The following RPS6KA2 variants were observed in gnomAD, a reference collection of about 807,000 sequenced individuals.
The protein encoded by RPS6KA2 is ribosomal protein S6 kinase A2.
In RPS6KA2, 42 loss-of-function variants were observed where a neutral mutation model predicts 91.8. That is an observed-to-expected ratio of 0.46 (90% CI 0.36 to 0.59). The LOEUF (loss-of-function observed/expected upper bound fraction) is 0.59, where lower values mean the gene tolerates loss of function less well. Ranked by LOEUF, RPS6KA2 falls within the 20% of genes least tolerant of loss-of-function variation. The pLI is 0.00. For synonymous variants in RPS6KA2, 414 were observed against 393.6 expected (o/e 1.05, Z -0.61); for missense variants, 798 against 978.5 (o/e 0.82, Z 2.46).
intron 1 of RPS6KA2, among the ~76,000 whole-genome samples, chr6:166,591,375 G>T (rs2128521427): frequency 6.6e-6 from 1 of 152,260 alleles, no homozygotes; most frequent in Non-Finnish European, 1.5e-5. Context: ...TTTGATGTGT[G>T]CCCCCCACCC....
At chr6:166,740,642 T>C (rs1018831261) in intron 2 of RPS6KA2, among the ~76,000 whole-genome samples, 2 of 152,228 alleles carry the variant, frequency 1.3e-5, no homozygotes, top group Admixed American at 6.5e-5. Context: ...TAGACAAAGT[T>C]AAAGATAGAA....
intron 2 of RPS6KA2, among the ~76,000 whole-genome samples, chr6:166,856,869 C>A (rs1780915297): frequency 6.6e-6 from 1 of 152,200 alleles, no homozygotes; most frequent in Non-Finnish European, 1.5e-5. Context: ...CATCATGGAA[C>A]TGGCAAAAGC....
chr6:166,531,238 G>C lies in RPS6KA2; in HGVS notation c.292C>G (p.Leu98Val). 1 of 1,613,272 alleles carries C rather than the reference G, an allele frequency of 6.2e-7. No individual in the cohort carries two copies. Among genetic ancestry groups the C allele is most frequent in the Non-Finnish European group, 8.5e-7 (1 of 1,179,232 alleles). The change falls in exon 3 of 21, where the codon CTA becomes GTA. Residue 98 changes from leucine (L) to valine (V), a missense_variant. Physicochemically the swap from Leu to Val is conservative, Grantham distance 32. Transcript: ENST00000265678. ...GCCCTTCCGAAGCTCTTACCTTTTA[G>C]GGTGGCTTTCTTAAGGACCTTCATG... is the stretch of plus-strand genomic sequence containing the variant. ...YAMKVLKKAT[L>V]KVRDRVRSKM...
chr6:166,469,155 G>A (rs1162720928), intron 11 of RPS6KA2, among the ~76,000 whole-genome samples: 2 of 152,146 alleles, frequency 1.3e-5, no homozygotes, highest in African/African-American at 2.4e-5. Flanking sequence ...TTCACCATTC[G>A]GAGTTGGCGT....
chr6:166,426,045 G>C (rs1302799781), intron 16 of RPS6KA2, among the ~76,000 whole-genome samples: 2 of 151,736 alleles, frequency 1.3e-5, no homozygotes, highest in African/African-American at 4.8e-5. Context: ...TGACCACATA[G>C]TTGGAAGTAA....
intron 2 of RPS6KA2, among the ~76,000 whole-genome samples, chr6:166,654,035 G>A (rs569447132): frequency 6.6e-6 from 1 of 152,318 alleles, no homozygotes; most frequent in African/African-American, 2.4e-5. Flanking sequence ...TGTGAAACTA[G>A]GGAAGACTAA....
chr6:166,609,432 A>G (rs933108822), intron 1 of RPS6KA2, among the ~76,000 whole-genome samples: 6 of 151,844 alleles, frequency 4.0e-5, no homozygotes, highest in African/African-American at 1.5e-4. Flanking sequence ...ACCATGGTGT[A>G]TTGCAAAGTT....
At chr6:166,535,899 C>T (rs535586921) in intron 2 of RPS6KA2, among the ~76,000 whole-genome samples, 12 of 152,254 alleles carry the variant, frequency 7.9e-5, no homozygotes, top group Admixed American at 1.3e-4. Context: ...AGACGCTTCC[C>T]GCTGGTGGTG....
intron 2 of RPS6KA2, among the ~76,000 whole-genome samples, chr6:166,678,052 T>G (rs1469616476): frequency 3.3e-5 from 5 of 152,242 alleles, no homozygotes; most frequent in African/African-American, 9.7e-5. Context: ...GGGATGTAGC[T>G]GTGATCCTGG....
Position 166,459,541 on chromosome 6 carries a change from C to T in RPS6KA2, c.983G>A (p.Arg328Gln), listed in dbSNP as rs181011882. 2.5e-4 allele frequency: 409 copies of T among 1,612,776 alleles called. No individual in the cohort carries two copies. Among genetic ancestry groups the T allele is most frequent in the Non-Finnish European group, 3.1e-4 (371 of 1,178,934 alleles). The change falls in exon 12 of 21, where the codon CGG (arginine) becomes CAG (glutamine). Residue 328 changes from arginine to glutamine, a missense_variant. By Grantham distance (43) the Arg-to-Gln change is conservative. Transcript: ENST00000265678. This position sits in a 1 kb window ranked among gnomAD's most constrained non-coding sequence, Gnocchi z 4.9. ...TTTGAACGGTGGCTTGATCTCCTTC[C>T]GGTACAGCGTCTATTAATACAAGGA... ...FVTIDWNTLY[R>Q]KEIKPPFKPA... is the part of the protein sequence containing the mutation.
At chr6:166,605,151 C>T (rs1182357942) in intron 1 of RPS6KA2, among the ~76,000 whole-genome samples, 1 of 152,210 alleles carries the variant, frequency 6.6e-6, no homozygotes, top group Non-Finnish European at 1.5e-5. Context: ...GCAACCAAGT[C>T]ACCTGCACAG....
rs147630168 is a variant in RPS6KA2 at position 166,453,424 on chromosome 6, A to AT, written c.1076-2192dup. On this transcript the variant is annotated intron_variant, in intron 12 of 20. Transcript: ENST00000265678. Reference sequence around the variant, plus strand: ...AATTGACCAGAGGACATAAGTAGACATTTTTCAAAAGAAGACATACAGATG... The same window carrying AT: ...AATTGACCAGAGGACATAAGTAGACATTTTTTCAAAAGAAGACATACAGATG... Among the ~76,000 whole-genome samples, 24 of 152,322 alleles carry AT rather than the reference A, an allele frequency of 1.6e-4. 1 individual carries two copies. In the East Asian group the frequency reaches 4.4e-3, roughly 28 times the overall value.
intron 2 of RPS6KA2, among the ~76,000 whole-genome samples, chr6:166,661,254 T>C (rs1162918472): frequency 6.6e-6 from 1 of 152,114 alleles, no homozygotes; most frequent in Admixed American, 6.5e-5. Context: ...GTGCCCATCA[T>C]CACGCATGGC....
At chr6:166,482,452 C>T (rs1355131361) in intron 10 of RPS6KA2, among the ~76,000 whole-genome samples, 1 of 152,170 alleles carries the variant, frequency 6.6e-6, no homozygotes, top group Non-Finnish European at 1.5e-5. Context: ...AGGAATGTCC[C>T]AGGAAATTCT....
At position 166,464,781 on chromosome 6, in the gene RPS6KA2, G is replaced by A. The variant is rs115903826; in HGVS notation, c.972+5060C>T. 8.4e-3 allele frequency among the ~76,000 whole-genome samples: 1,277 copies of A among 152,214 alleles called. 20 individuals are homozygous for A. Among genetic ancestry groups the A allele is most frequent in the African/African-American group, 0.029 (1,208 of 41,518 alleles). Reference sequence around the variant, plus strand: ...AGGTTTGTAGTCCGATCATTAACTCGTGGCTTCTCACTCAGCTCATCAAGC... The same window carrying A: ...AGGTTTGTAGTCCGATCATTAACTCATGGCTTCTCACTCAGCTCATCAAGC... On this transcript the variant is annotated intron_variant, in intron 11 of 20. Transcript: ENST00000265678.
rs1424101029 is a variant in RPS6KA2 at position 166,603,510 on chromosome 6, G to T, written c.99+23411C>A. ...CCTCATAAATGGGATTAGCATGGGGGCAGCTACCGACCAGTCACCTTCTGG... is the reference window on the plus strand; with the variant it reads ...CCTCATAAATGGGATTAGCATGGGGTCAGCTACCGACCAGTCACCTTCTGG... On this transcript the variant is annotated intron_variant, in intron 1 of 20. Coordinates refer to ENST00000265678, the MANE Select transcript of RPS6KA2 (RefSeq NM_021135.6). This position sits in a 1 kb window ranked among gnomAD's most constrained non-coding sequence, Gnocchi z 4.3. Among the ~76,000 whole-genome samples the T allele has an allele frequency of 6.6e-6, 1 of 152,136 alleles. No homozygotes were observed. The highest frequency in any genetic ancestry group is 1.5e-5 in the Non-Finnish European group (1 of 68,018).
chr6:166,797,475 T>C (rs1779255752), intron 2 of RPS6KA2, among the ~76,000 whole-genome samples: 1 of 152,142 alleles, frequency 6.6e-6, no homozygotes, highest in Non-Finnish European at 1.5e-5. Flanking sequence ...ACTGATAACA[T>C]AAACAGCCTA....
chr6:166,429,374 A>G (rs189350767), intron 16 of RPS6KA2, among the ~76,000 whole-genome samples: 1 of 151,982 alleles, frequency 6.6e-6, no homozygotes. Context: ...CCAGCATGGC[A>G]CATGTATACA....
chr6:166,476,957 G>A (rs1002092307), intron 10 of RPS6KA2, among the ~76,000 whole-genome samples: 1 of 152,158 alleles, frequency 6.6e-6, no homozygotes, highest in African/African-American at 2.4e-5. Context: ...TCCCCAGATG[G>A]TCAAAGGGAG....
Sources: allele counts gnomAD v4.1 joint callset (sites outside exome capture counted in the v4.1 genomes callset), GRCh38; gene constraint gnomAD v4.1.1; non-coding constraint Gnocchi (gnomAD v3.1); transcripts MANE v1.5; gene names NCBI Gene and HGNC (gene_info 2026-07-23, HGNC 2026-07-21).